The following KCNH7 variants were observed in gnomAD, a reference collection of about 807,000 sequenced individuals.
KCNH7 encodes voltage-gated inwardly rectifying potassium channel KCNH7.
In KCNH7, 49 loss-of-function variants were observed where a neutral mutation model predicts 120.8. The ratio of observed to expected loss-of-function variants is 0.41; its 90% CI spans 0.32 to 0.51. The LOEUF (loss-of-function observed/expected upper bound fraction) is 0.51. Ranked by LOEUF, KCNH7 falls within the 20% of genes least tolerant of loss-of-function variation. The pLI is 0.38. For missense variants in KCNH7, 1,097 were observed against 1,446.6 expected (o/e 0.76, Z 3.92); for synonymous variants, 547 against 516.1 (o/e 1.06, Z -0.81).
intron 2 of KCNH7, among the ~76,000 whole-genome samples, chr2:162,746,602 T>C (rs1019373741): frequency 1.3e-5 from 2 of 152,062 alleles, no homozygotes; most frequent in South Asian, 4.1e-4. Context: ...AAATTCAAAT[T>C]TCATGAAATC....
chr2:162,400,464 T>G (rs1687036391), intron 9 of KCNH7, 23 bp from the exon 10 acceptor site: 1 of 1,609,300 alleles, frequency 6.2e-7, no homozygotes, highest in South Asian at 1.1e-5. Context: ...AGAAAGAGTT[T>G]CATACTACCA....
intron 6 of KCNH7, among the ~76,000 whole-genome samples, chr2:162,484,880 T>G (rs1690044020): frequency 6.6e-6 from 1 of 152,144 alleles, no homozygotes. Context: ...CCATCACGAG[T>G]GGAAGCAGCC....
At chr2:162,501,918 A>G (rs1314250084) in intron 6 of KCNH7, 1 of 152,102 alleles carries the variant, frequency 6.6e-6, no homozygotes, top group African/African-American at 2.4e-5. Flanking sequence ...TATATTACAA[A>G]GCTAAATTTG....
intron 2 of KCNH7, among the ~76,000 whole-genome samples, chr2:162,756,701 C>A (rs534062623): frequency 5.0e-4 from 76 of 152,142 alleles, no homozygotes; most frequent in African/African-American, 1.8e-3. Context: ...GGGCTCAAGT[C>A]GTCCTCTTGC....
chr2:162,657,804 C>A (rs1366260860), intron 2 of KCNH7, among the ~76,000 whole-genome samples: 1 of 152,046 alleles, frequency 6.6e-6, no homozygotes, highest in Non-Finnish European at 1.5e-5. Flanking sequence ...TTACGATCTC[C>A]ACAGTAATTA....
At chr2:162,817,174 A>C (rs1405400525) in intron 2 of KCNH7, among the ~76,000 whole-genome samples, 1 of 152,152 alleles carries the variant, frequency 6.6e-6, no homozygotes, top group East Asian at 1.9e-4. Flanking sequence ...CAAGATGTAG[A>C]ATATGCCTTC....
At chr2:162,512,695 TA>T (rs888799050) in intron 4 of KCNH7, 21 bp from the exon 5 acceptor site, 1 of 1,596,618 alleles carries the variant, frequency 6.3e-7, no homozygotes, top group Non-Finnish European at 8.6e-7. Flanking sequence ...CACATAAGGA[TA>T]AAAAAAGAGA....
chr2:162,373,423 A>G (rs760570117), intron 15 of KCNH7, 47 bp downstream of exon 15: 61 of 1,330,388 alleles, frequency 4.6e-5, no homozygotes, highest in Non-Finnish European at 5.5e-5. Flanking sequence ...TGACCCCTGG[A>G]AACACACTGT....
intron 3 of KCNH7, among the ~76,000 whole-genome samples, chr2:162,533,550 G>A (rs1489784523): frequency 6.6e-6 from 1 of 151,316 alleles, no homozygotes; most frequent in African/African-American, 2.4e-5. Flanking sequence ...GAATTTAGGG[G>A]GAAAATTAGT....
chr2:162,565,327 G>GTT (rs1693216973), intron 2 of KCNH7, among the ~76,000 whole-genome samples: 1 of 151,740 alleles, frequency 6.6e-6, no homozygotes, highest in Non-Finnish European at 1.5e-5. Flanking sequence ...GAAAAAAAAC[G>GTT]TAACTAGTCC....
Position 162,454,597 on chromosome 2 carries a change from T to C in KCNH7, c.1129-8154A>G, listed in dbSNP as rs9710712. Among the ~76,000 whole-genome samples, 565 of 152,306 alleles carry C rather than the reference T, an allele frequency of 3.7e-3. 5 individuals are homozygous for C. Among genetic ancestry groups the C allele is most frequent in the African/African-American group, 0.013 (545 of 41,558 alleles). On this transcript the variant is annotated intron_variant, in intron 6 of 15. Transcript: ENST00000332142. ...TCCCATCCATGAGCATGGAATGTTT[T>C]TCCATTTGTTTGTGTCCTCTCTTAT...
intron 2 of KCNH7, among the ~76,000 whole-genome samples, chr2:162,814,826 T>C (rs1483615935): frequency 1.3e-5 from 2 of 152,078 alleles, no homozygotes; most frequent in Non-Finnish European, 2.9e-5. Flanking sequence ...AGTCTTTTTG[T>C]TGTTGTTGTT....
chr2:162,611,512 G>T (rs907055687), intron 2 of KCNH7, among the ~76,000 whole-genome samples: 1 of 152,072 alleles, frequency 6.6e-6, no homozygotes, highest in Non-Finnish European at 1.5e-5. Flanking sequence ...AAGAGATGTT[G>T]TTTTACTACA....
rs1050533896 is a variant in KCNH7 at position 162,617,017 on chromosome 2, T to C, written c.308-79937A>G. Among the ~76,000 whole-genome samples the C allele has an allele frequency of 1.3e-3, 194 of 152,146 alleles. 3 individuals carry two copies. The highest frequency in any genetic ancestry group is 2.8e-4 in the Non-Finnish European group (19 of 67,976). ...AAGTGTAGATGGCTCAGAGTCTACA[T>C]ACATCAAATCATGTCATAGACCTAG... On this transcript the variant is annotated intron_variant, in intron 2 of 15. Coordinates refer to ENST00000332142, the MANE Select transcript of KCNH7 (RefSeq NM_033272.4).
intron 2 of KCNH7, among the ~76,000 whole-genome samples, chr2:162,565,965 T>C (rs1217514363): frequency 1.3e-5 from 2 of 152,122 alleles, no homozygotes; most frequent in African/African-American, 2.4e-5. Context: ...ATAATAGCTA[T>C]AAGGTACTTT....
chr2:162,752,893 T>C (rs1688608393), intron 2 of KCNH7, among the ~76,000 whole-genome samples: 1 of 11,346 alleles, frequency 8.8e-5, no homozygotes, highest in African/African-American at 1.3e-4. Context: ...AGAGCAAGAC[T>C]ACATCTCAGA....
intron 2 of KCNH7, among the ~76,000 whole-genome samples, chr2:162,754,366 C>T (rs1688715293): frequency 6.6e-6 from 1 of 151,950 alleles, no homozygotes; most frequent in Non-Finnish European, 1.5e-5. Flanking sequence ...ACTTTTATAA[C>T]AAGGGATAGG....
At chr2:162,469,941 G>A (rs1035301088) in intron 6 of KCNH7, among the ~76,000 whole-genome samples, 8 of 152,232 alleles carry the variant, frequency 5.3e-5, no homozygotes, top group South Asian at 2.1e-4. Flanking sequence ...GCTCCTGACC[G>A]CGAGTGATCC....
chr2:162,714,606 T>C (rs899873432), intron 2 of KCNH7, among the ~76,000 whole-genome samples: 2 of 152,040 alleles, frequency 1.3e-5, no homozygotes, highest in African/African-American at 4.8e-5. Context: ...AAACAGGGGG[T>C]TGGCAAACTT....
Sources: allele counts gnomAD v4.1 joint callset (sites outside exome capture counted in the v4.1 genomes callset), GRCh38; gene constraint gnomAD v4.1.1; transcripts MANE v1.5; gene names NCBI Gene and HGNC (gene_info 2026-07-23, HGNC 2026-07-21).